The following SPOCK3 variants were observed in gnomAD, a reference collection of about 807,000 sequenced individuals.
SPOCK3 encodes SPARC (osteonectin), cwcv and kazal like domains proteoglycan 3.
A neutral mutation model predicts 56.6 loss-of-function variants in SPOCK3; 30 were observed. The ratio of observed to expected loss-of-function variants is 0.53; its 90% CI spans 0.40 to 0.72. The LOEUF (loss-of-function observed/expected upper bound fraction) is 0.72, where lower values mean the gene tolerates loss of function less well. Ranked by LOEUF, SPOCK3 falls within the 30% of genes least tolerant of loss-of-function variation. The pLI, the probability that SPOCK3 is intolerant of heterozygous loss-of-function variation, is 0.00. For missense variants in SPOCK3, 527 were observed against 530.0 expected (o/e 0.99, Z 0.06); for synonymous variants, 196 against 183.3 (o/e 1.07, Z -0.56).
intron 4 of SPOCK3, among the ~76,000 whole-genome samples, chr4:166,948,902 T>A (rs1561043417): frequency 6.6e-6 from 1 of 152,152 alleles, no homozygotes. Context: ...CTTGCTAGAT[T>A]GGGGAAGTTC....
At chr4:166,830,002 G>A (rs1745869929) in intron 6 of SPOCK3, among the ~76,000 whole-genome samples, 1 of 152,096 alleles carries the variant, frequency 6.6e-6, no homozygotes, top group Non-Finnish European at 1.5e-5. Context: ...TATCTGGCAA[G>A]TATTTGAATT....
At chr4:166,926,201 G>A (rs10014920) in intron 4 of SPOCK3, among the ~76,000 whole-genome samples, 57,962 of 151,908 alleles carry the variant, frequency 0.38, 12,396 homozygotes, top group East Asian at 0.69. Flanking sequence ...TGAAACACAG[G>A]TGTTGAATAA....
At position 166,740,493 on chromosome 4, in the gene SPOCK3, CTTATTATTATTA is replaced by C. The variant is rs71604445; in HGVS notation, c.994+1492_994+1503del. 5.7e-3 allele frequency among the ~76,000 whole-genome samples: 778 copies of C among 135,350 alleles called. 9 individuals are homozygous for C. Among genetic ancestry groups the C allele is most frequent in the African/African-American group, 0.02 (719 of 36,254 alleles). The allele number at this position is 135,350 out of a possible 152,430, so 88.8% of individuals were successfully genotyped here. On this transcript the variant is annotated intron_variant, in intron 9 of 10. Coordinates refer to ENST00000357545, the MANE Select transcript of SPOCK3 (RefSeq NM_001040159.2). The stretch of plus-strand genomic sequence containing the variant: ...TTGCCAAGACAAATCTATATAAGAA[CTTATTATTATTA>C]TTATTATTATTATTATTATTATTAT...
chr4:166,789,413 G>T (rs1741092425), intron 7 of SPOCK3, among the ~76,000 whole-genome samples: 1 of 151,924 alleles, frequency 6.6e-6, no homozygotes. Flanking sequence ...TGGGCAACAA[G>T]AGCGAAACGC....
At chr4:167,169,688 T>C (rs1428522492) in intron 2 of SPOCK3, among the ~76,000 whole-genome samples, 1 of 152,150 alleles carries the variant, frequency 6.6e-6, no homozygotes, top group Non-Finnish European at 1.5e-5. Context: ...GAAGGCAGAA[T>C]TGATCTTGAA....
chr4:167,084,562 G>A (rs1758015279), intron 2 of SPOCK3, among the ~76,000 whole-genome samples: 1 of 152,096 alleles, frequency 6.6e-6, no homozygotes, highest in Non-Finnish European at 1.5e-5. Flanking sequence ...TATGTGGAGT[G>A]TAGCCGAAAA....
intron 4 of SPOCK3, among the ~76,000 whole-genome samples, chr4:166,929,978 T>C (rs1336570771): frequency 6.6e-6 from 1 of 152,166 alleles, no homozygotes; most frequent in Non-Finnish European, 1.5e-5. Flanking sequence ...TAAATAATGT[T>C]TAAAAAATGA....
intron 2 of SPOCK3, among the ~76,000 whole-genome samples, chr4:167,095,570 A>AAG (rs1351166166): frequency 6.6e-6 from 1 of 151,934 alleles, no homozygotes; most frequent in African/African-American, 2.4e-5. Context: ...ATAGTAACTA[A>AAG]AGAGAGAGAG....
At chr4:167,129,138 A>G (rs1762515076) in intron 2 of SPOCK3, among the ~76,000 whole-genome samples, 1 of 152,224 alleles carries the variant, frequency 6.6e-6, no homozygotes, top group Non-Finnish European at 1.5e-5. Flanking sequence ...GACATGTAAA[A>G]GCATAATCAG....
At chr4:166,823,059 A>G (rs1745092901) in intron 6 of SPOCK3, among the ~76,000 whole-genome samples, 1 of 152,104 alleles carries the variant, frequency 6.6e-6, no homozygotes, top group South Asian at 2.1e-4. Context: ...TTCCTTCCCA[A>G]GAGTTCACAT....
At chr4:167,052,765 T>C (rs577201249) in intron 3 of SPOCK3, among the ~76,000 whole-genome samples, 2 of 152,000 alleles carry the variant, frequency 1.3e-5, no homozygotes, top group Admixed American at 6.6e-5. Context: ...TCTGAAAGCA[T>C]AAAAAATAAA....
intron 8 of SPOCK3, among the ~76,000 whole-genome samples, chr4:166,748,356 G>C (rs1735926974): frequency 7.3e-6 from 1 of 136,666 alleles, no homozygotes; most frequent in Non-Finnish European, 1.5e-5. Context: ...TCTGATCTTT[G>C]ACAAACCTGA....
chr4:166,945,005 T>C (rs1448854116), intron 4 of SPOCK3, among the ~76,000 whole-genome samples: 1 of 152,248 alleles, frequency 6.6e-6, no homozygotes, highest in African/African-American at 2.4e-5. Flanking sequence ...CCACATGTCT[T>C]GTTGCAGACC....
At chr4:167,033,360 TAA>T (rs1752447139) in intron 3 of SPOCK3, among the ~76,000 whole-genome samples, 2 of 148,968 alleles carry the variant, frequency 1.3e-5, no homozygotes, top group East Asian at 2.0e-4. Context: ...AAAAATTCAA[TAA>T]GTTACATTTT....
At chr4:166,849,978 A>G (rs1322190309) in intron 6 of SPOCK3, among the ~76,000 whole-genome samples, 7 of 152,144 alleles carry the variant, frequency 4.6e-5, no homozygotes, top group Admixed American at 4.6e-4. Flanking sequence ...TTATTCACTT[A>G]TCTCTCAATG....
chr4:166,755,497 G>T (rs1723068225), intron 7 of SPOCK3, among the ~76,000 whole-genome samples: 1 of 152,034 alleles, frequency 6.6e-6, no homozygotes, highest in African/African-American at 2.4e-5. Flanking sequence ...TCAGTGTTTT[G>T]AACTATTTTA....
At chr4:166,834,712 TC>T (rs1746428847) in intron 6 of SPOCK3, among the ~76,000 whole-genome samples, 1 of 152,212 alleles carries the variant, frequency 6.6e-6, no homozygotes, top group Non-Finnish European at 1.5e-5. Context: ...AGAAAATGAA[TC>T]CCGTTTCCCA....
chr4:166,992,691 C>A (rs1212314693), intron 4 of SPOCK3, among the ~76,000 whole-genome samples: 1 of 150,708 alleles, frequency 6.6e-6, no homozygotes, highest in African/African-American at 2.4e-5. Context: ...TAAGGTCCAT[C>A]CAAAATACTT....
At chr4:166,808,439 GAAGA>G (rs1359547131) in intron 6 of SPOCK3, among the ~76,000 whole-genome samples, 1 of 151,638 alleles carries the variant, frequency 6.6e-6, no homozygotes, top group Non-Finnish European at 1.5e-5. Flanking sequence ...TTCACACAAA[GAAGA>G]AATTCTCTCT....
Sources: gnomAD v4.1 joint callset for allele counts (sites outside exome capture counted in the v4.1 genomes callset) on GRCh38, gnomAD v4.1.1 for gene constraint, MANE v1.5 for transcripts, NCBI Gene and HGNC (gene_info 2026-07-23, HGNC 2026-07-21) for gene names.